TTLL1: variants seen among roughly 807,000 people sequenced by gnomAD.
TTLL1 encodes the protein polyglutamylase complex subunit TTLL1.
TTLL1 carries 33 observed loss-of-function variants against 47.8 expected under a neutral mutation model. That is an observed-to-expected ratio of 0.69 (90% CI 0.52 to 0.92). The LOEUF is 0.92. TTLL1 is among the 40% of genes least tolerant of loss of function. The pLI is 0.00. For synonymous variants in TTLL1, 225 were observed against 214.1 expected, an observed-to-expected ratio of 1.05 and a Z score of -0.45; for missense variants, 488 against 547.5, an observed-to-expected ratio of 0.89 and a Z score of 1.08.
intron 5 of TTLL1, 70 bp from the exon 6 acceptor site, chr22:43,064,394 G>T (rs1205828759): frequency 2.0e-6 from 3 of 1,523,718 alleles, no homozygotes; most frequent in African/African-American, 2.8e-5. Flanking sequence ...TCCAAGAAAG[G>T]AATAACTGAT....
At chr22:43,085,726 A>G (rs1929188854) in intron 1 of TTLL1, among the ~76,000 whole-genome samples, 1 of 152,210 alleles carries the variant, frequency 6.6e-6, no homozygotes, top group Admixed American at 6.6e-5. Context: ...AATTCTCCGC[A>G]TTTTACAGAT....
At chr22:43,081,144 G>A (rs867887848) in intron 1 of TTLL1, among the ~76,000 whole-genome samples, 3 of 151,728 alleles carry the variant, frequency 2.0e-5, no homozygotes, top group South Asian at 2.1e-4. Context: ...TCAAACTCCC[G>A]ACCTCAGGTG....
chr22:43,087,511 G>GA (rs1234733847), intron 1 of TTLL1, among the ~76,000 whole-genome samples: 2 of 146,318 alleles, frequency 1.4e-5, no homozygotes, highest in African/African-American at 5.1e-5. Context: ...GCAACAGAGT[G>GA]AGACTCCATC....
At chr22:43,083,199 T>C (rs1246766749) in intron 1 of TTLL1, among the ~76,000 whole-genome samples, 7 of 149,616 alleles carry the variant, frequency 4.7e-5, no homozygotes, top group Non-Finnish European at 1.0e-4. Context: ...AACTCTTCTC[T>C]ACTAAAAAAA....
intron 2 of TTLL1, among the ~76,000 whole-genome samples, chr22:43,078,563 G>A (rs1047730673): frequency 3.3e-5 from 5 of 151,922 alleles, no homozygotes; most frequent in Non-Finnish European, 7.4e-5. Context: ...AAGGGAGTCC[G>A]GGTGCCCTGA....
chr22:43,083,020 T>A (rs941228177), intron 1 of TTLL1, among the ~76,000 whole-genome samples: 4 of 88,608 alleles, frequency 4.5e-5, no homozygotes, highest in Non-Finnish European at 5.8e-5. Context: ...GTCTCAAAAA[T>A]AATAAAATAA....
intron 3 of TTLL1, among the ~76,000 whole-genome samples, chr22:43,073,068 G>A (rs1273421498): frequency 6.6e-6 from 1 of 151,296 alleles, no homozygotes; most frequent in Non-Finnish European, 1.5e-5. Flanking sequence ...AGGCTGGAGT[G>A]CAGTGGTGCG....
chr22:43,055,181 G>A (rs1207779109), intron 8 of TTLL1, among the ~76,000 whole-genome samples: 2 of 151,486 alleles, frequency 1.3e-5, no homozygotes, highest in South Asian at 2.1e-4. Context: ...GTGCCATCAC[G>A]CCTGGCTAAT....
intron 2 of TTLL1, among the ~76,000 whole-genome samples, chr22:43,078,301 C>G (rs5751426): frequency 0.71 from 107,415 of 151,476 alleles, 38,961 homozygotes; most frequent in Middle Eastern, 0.87. Context: ...TTCAAGACCA[C>G]CCTGGCCAAC....
intron 1 of TTLL1, among the ~76,000 whole-genome samples, chr22:43,081,656 C>T (rs1928896703): frequency 6.7e-6 from 1 of 149,770 alleles, no homozygotes; most frequent in Non-Finnish European, 1.5e-5. Context: ...TTCAAGCATT[C>T]TCTGCCTCAG....
chr22:43,084,962 CTT>C lies in TTLL1; in HGVS notation c.-90+4313_-90+4314del, dbSNP rs148980685. 5.6e-3 allele frequency among the ~76,000 whole-genome samples: 627 copies of C among 112,644 alleles called. 1 individual carries two copies. Among genetic ancestry groups the C allele is most frequent in the Admixed American group, 0.016 (159 of 10,140 alleles). The allele number at this position is 112,644 out of a possible 152,430, so 73.9% of individuals were successfully genotyped here. A position where few individuals can be genotyped will look rare whatever the true frequency, so the allele number is the denominator to read the frequency against. On this transcript the variant is annotated intron_variant, in intron 1 of 10. Coordinates refer to ENST00000266254, the MANE Select transcript of TTLL1 (RefSeq NM_012263.5). ...CATCATTAAGAACAAAAGCTGCCAC[CTT>C]TTTTTTTTTTTTTTTTTTTTTGAGA...
At chr22:43,075,998 C>A (rs1432951867) in intron 2 of TTLL1, among the ~76,000 whole-genome samples, 2 of 152,224 alleles carry the variant, frequency 1.3e-5, no homozygotes, top group Admixed American at 1.3e-4. Context: ...ACATGGGGCT[C>A]TGAGAGCCGC....
intron 10 of TTLL1, among the ~76,000 whole-genome samples, chr22:43,043,930 C>T (rs990759805): frequency 1.3e-5 from 2 of 152,090 alleles, no homozygotes; most frequent in African/African-American, 4.8e-5. Flanking sequence ...CCCCCAACTC[C>T]CTGACCTCTG....
intron 7 of TTLL1, among the ~76,000 whole-genome samples, chr22:43,063,476 T>C (rs1358582188): frequency 6.6e-6 from 1 of 151,862 alleles, no homozygotes; most frequent in East Asian, 1.9e-4. Flanking sequence ...TTTTTTTTTT[T>C]TTCTTTTGAG....
rs762348625 is a variant in TTLL1, at chr22:43,046,467, G to C, written c.1085C>G (p.Pro362Arg). Residue 362 changes from proline (P) to arginine (R), a missense_variant, in exon 10 of 11, where the codon CCA becomes CGA. Transcript: ENST00000266254. ...TGGCGACTTGTTCCATTTGCAGTCT[G>C]GGATTTCACCATTCGGGACGGCGAT... ...LNIAVPNGEI[P>R]DCKWNKSPPK... is the part of the protein sequence containing the mutation. 8 of 1,614,070 alleles carry C rather than the reference G, an allele frequency of 5.0e-6. No homozygotes were observed. The South Asian group carries it at 7.7e-5, about 16-fold the overall frequency.
chr22:43,088,324 C>CCTTTTTTTT (rs1929375639), intron 1 of TTLL1, among the ~76,000 whole-genome samples: 8 of 56,468 alleles, frequency 1.4e-4, no homozygotes, highest in African/African-American at 5.1e-4. Context: ...AAGGGCCCAT[C>CCTTTTTTTT]TTTTTTTTTT....
chr22:43,048,223 A>C (rs1926302193), intron 9 of TTLL1, among the ~76,000 whole-genome samples: 1 of 151,936 alleles, frequency 6.6e-6, no homozygotes. Flanking sequence ...AGACTGAGAC[A>C]GGAGAATCGC....
At chr22:43,073,332 TTTA>T (rs1489279065) in intron 3 of TTLL1, among the ~76,000 whole-genome samples, 1 of 108,436 alleles carries the variant, frequency 9.2e-6, no homozygotes, top group Non-Finnish European at 1.8e-5. Flanking sequence ...GGTCTATTTA[TTTA>T]TTTATTTATT....
At chr22:43,081,848 T>A (rs1174182031) in intron 1 of TTLL1, among the ~76,000 whole-genome samples, 3 of 2,534 alleles carry the variant, frequency 1.2e-3, no homozygotes, top group Non-Finnish European at 2.5e-3. Flanking sequence ...CACCTGGCCT[T>A]TTTTTTTTTT....
Sources: allele counts gnomAD v4.1 joint callset (sites outside exome capture counted in the v4.1 genomes callset), GRCh38; gene constraint gnomAD v4.1.1; transcripts MANE v1.5; gene names NCBI Gene and HGNC (gene_info 2026-07-23, HGNC 2026-07-21).